The following PRKD1 variants were observed in gnomAD, a reference collection of about 807,000 sequenced individuals.
PRKD1 encodes the protein serine/threonine-protein kinase D1.
A neutral mutation model predicts 95.9 loss-of-function variants in PRKD1; 63 were observed. The observed-to-expected ratio is 0.66, with a 90% CI of 0.54 to 0.81. The LOEUF (loss-of-function observed/expected upper bound fraction) is 0.81. Ranked by LOEUF, PRKD1 falls within the 30% of genes least tolerant of loss-of-function variation. The pLI is 0.00. For missense variants in PRKD1, 1,048 were observed against 1,165.3 expected (o/e 0.90, Z 1.47); for synonymous variants, 425 against 423.1 (o/e 1.00, Z -0.05).
chr14:29,637,854 G>A (rs930029072), intron 6 of PRKD1, among the ~76,000 whole-genome samples: 2 of 152,158 alleles, frequency 1.3e-5, no homozygotes, highest in Non-Finnish European at 2.9e-5. Flanking sequence ...AGAGGAATTG[G>A]AAAACTGGTA....
chr14:29,776,309 A>C (rs1400606151), intron 1 of PRKD1, among the ~76,000 whole-genome samples: 1 of 152,228 alleles, frequency 6.6e-6, no homozygotes, highest in African/African-American at 2.4e-5. Context: ...GACTTTGATG[A>C]GTTGAGAGAA....
At chr14:29,670,946 T>C (rs563630059) in intron 2 of PRKD1, among the ~76,000 whole-genome samples, 3 of 152,268 alleles carry the variant, frequency 2.0e-5, no homozygotes, top group African/African-American at 7.2e-5. Flanking sequence ...ATCTTTCAGA[T>C]GGGTGCTGAA....
chr14:29,747,749 T>C (rs1887295525), intron 1 of PRKD1, among the ~76,000 whole-genome samples: 1 of 151,726 alleles, frequency 6.6e-6, no homozygotes. Flanking sequence ...TATTAATTAA[T>C]ATATTTATTT....
chr14:29,619,698 A>G (rs918429810), intron 13 of PRKD1, among the ~76,000 whole-genome samples: 1 of 152,180 alleles, frequency 6.6e-6, no homozygotes, highest in Middle Eastern at 3.2e-3. Context: ...AGGGTGTTAG[A>G]GTAGTGCTCA....
chr14:29,774,793 T>C lies in PRKD1; in HGVS notation c.265-49119A>G, dbSNP rs575696303. Among the ~76,000 whole-genome samples, 3 of 152,278 alleles carry C rather than the reference T, an allele frequency of 2.0e-5. No individual in the cohort carries two copies. In the East Asian group the frequency reaches 5.8e-4, roughly 29 times the overall value. ...AATCTAATATGAAGAGGATAACGGC[T>C]CACATTTACTTCATTCCAAAGCTTC... On this transcript the variant is annotated intron_variant, in intron 1 of 17. Transcript: ENST00000331968.
In PRKD1 at chr14:29,638,740, G is replaced by A. The variant is rs1402714766; in HGVS notation, c.861C>T (p.Cys287=). Residue 287 remains cysteine, a synonymous_variant, in exon 5 of 18, where the codon TGC becomes TGT. Transcript: ENST00000331968. ...SYTRPTVCQY[C]KKLLKGLFRQ... ...TGAAAAGCCCCTTCAGAAGCTTCTT[G>A]CAGTACTGGCACACTGTGGGCCGGG... 1 of 1,614,114 alleles carries A rather than the reference G, an allele frequency of 6.2e-7. No individual in the cohort carries two copies. Among genetic ancestry groups the A allele is most frequent in the South Asian group, 1.1e-5 (1 of 91,082 alleles).
chr14:29,644,779 T>C (rs901748190), intron 4 of PRKD1, among the ~76,000 whole-genome samples: 2 of 152,108 alleles, frequency 1.3e-5, no homozygotes, highest in African/African-American at 2.4e-5. Flanking sequence ...CATGTATAAA[T>C]AAACTATACA....
At chr14:29,867,957 C>T (rs985703643) in intron 1 of PRKD1, among the ~76,000 whole-genome samples, 2 of 152,170 alleles carry the variant, frequency 1.3e-5, no homozygotes, top group African/African-American at 4.8e-5. Flanking sequence ...CACTAGAAAG[C>T]ATTCTACAGT....
intron 1 of PRKD1, among the ~76,000 whole-genome samples, chr14:29,908,370 C>T (rs60193228): frequency 0.037 from 5,693 of 152,186 alleles, 369 homozygotes; most frequent in African/African-American, 0.13. Context: ...GATAGCTCAA[C>T]GCGACCTCCA....
At chr14:29,831,736 C>T (rs746650886) in intron 1 of PRKD1, among the ~76,000 whole-genome samples, 3 of 152,044 alleles carry the variant, frequency 2.0e-5, no homozygotes, top group Non-Finnish European at 4.4e-5. Context: ...CTCCTGTTTA[C>T]ATTCATCCCT....
chr14:29,921,422 A>ATT (rs1895102973), intron 1 of PRKD1, among the ~76,000 whole-genome samples: 1 of 151,866 alleles, frequency 6.6e-6, no homozygotes, highest in East Asian at 1.9e-4. Context: ...TTCTTTTGTT[A>ATT]ATAAGACAGT....
At chr14:29,785,496 C>T (rs1337154455) in intron 1 of PRKD1, among the ~76,000 whole-genome samples, 4 of 152,238 alleles carry the variant, frequency 2.6e-5, no homozygotes, top group South Asian at 2.1e-4. Context: ...TATAAGATCA[C>T]GTCATCTGCA....
At chr14:29,586,258 G>T (rs1384663106) in intron 16 of PRKD1, among the ~76,000 whole-genome samples, 1 of 152,184 alleles carries the variant, frequency 6.6e-6, no homozygotes, top group Non-Finnish European at 1.5e-5. Flanking sequence ...TATCTGGAAT[G>T]CAGAGATAGA....
At chr14:29,787,219 T>TG (rs931822877) in intron 1 of PRKD1, among the ~76,000 whole-genome samples, 28 of 148,168 alleles carry the variant, frequency 1.9e-4, no homozygotes, top group Non-Finnish European at 4.5e-5. Context: ...TTCAGTGTTT[T>TG]TTTTTTTTTT....
intron 2 of PRKD1, among the ~76,000 whole-genome samples, chr14:29,671,644 A>C (rs892401710): frequency 4.2e-4 from 64 of 152,198 alleles, no homozygotes; most frequent in Non-Finnish European, 1.5e-4. Context: ...AAGAAAACAA[A>C]GTCTAGGATG....
intron 1 of PRKD1, among the ~76,000 whole-genome samples, chr14:29,789,799 G>T (rs1376096040): frequency 6.6e-6 from 1 of 152,086 alleles, no homozygotes; most frequent in East Asian, 1.9e-4. Flanking sequence ...AGTGAGTAAG[G>T]TGTGTCAATT....
chr14:29,775,282 C>T (rs1023947247), intron 1 of PRKD1, among the ~76,000 whole-genome samples: 6 of 152,190 alleles, frequency 3.9e-5, no homozygotes, highest in African/African-American at 1.4e-4. Flanking sequence ...CTCATTGGTG[C>T]TTGTCAGACA....
At chr14:29,843,187 G>C (rs1447470555) in intron 1 of PRKD1, among the ~76,000 whole-genome samples, 1 of 152,118 alleles carries the variant, frequency 6.6e-6, no homozygotes, top group Admixed American at 6.6e-5. Context: ...ATAAGAAGAT[G>C]TTATGCCACA....
intron 1 of PRKD1, among the ~76,000 whole-genome samples, chr14:29,767,554 G>C (rs901303945): frequency 2.0e-5 from 3 of 152,084 alleles, no homozygotes; most frequent in Non-Finnish European, 4.4e-5. Context: ...TCCTTCAACT[G>C]TTGTTCAAAG....
Sources: allele counts gnomAD v4.1 joint callset (sites outside exome capture counted in the v4.1 genomes callset), GRCh38; gene constraint gnomAD v4.1.1; transcripts MANE v1.5; gene names NCBI Gene and HGNC (gene_info 2026-07-23, HGNC 2026-07-21).